Variants in ATXN7L3 observed in about 807,000 individuals in gnomAD.
ATXN7L3 encodes the protein ataxin 7 like 3.
A neutral mutation model predicts 50.0 loss-of-function variants in ATXN7L3; 6 were observed. That is an observed-to-expected ratio of 0.12 (90% CI 0.07 to 0.24). The LOEUF (loss-of-function observed/expected upper bound fraction) is 0.24, where lower values mean the gene tolerates loss of function less well. Among genes scored for constraint, ATXN7L3 ranks in the 10% least tolerant of loss-of-function variants. ATXN7L3 has a pLI of 1.00. For synonymous variants in ATXN7L3, 198 were observed against 165.8 expected (o/e 1.19, Z -1.49); for missense variants, 322 against 451.3 (o/e 0.71, Z 2.60).
At chr17:44,199,218 T>G (rs2056048118) in intron 1 of ATXN7L3, 1 of 149,768 alleles carries the variant, frequency 6.7e-6, no homozygotes, top group Non-Finnish European at 1.5e-5. Flanking sequence ...GTCTCTATTG[T>G]CCCGGGGGCT....
chr17:44,194,873 G>A lies in ATXN7L3; in HGVS notation c.666-34C>T, dbSNP rs76721333. On this transcript the variant is annotated intron_variant, in intron 10 of 12. Transcript: ENST00000587097. ...GAGGCAAGGCAGGGAGGGTTCTGAG[G>A]AACTCAGGTAAAGCCCCTCCCCTCG... The A allele has an allele frequency of 1.2e-3, 1,948 of 1,611,310 alleles. 29 individuals carry two copies. The African/African-American group carries it at 0.022, about 18-fold the overall frequency.
chr17:44,195,345 C>CT, intron 9 of ATXN7L3, 74 bp downstream of exon 9: 1 of 1,502,090 alleles, frequency 6.7e-7, no homozygotes, highest in Non-Finnish European at 9.3e-7. Flanking sequence ...CACCAGCTTC[C>CT]TCCCAGGCCT....
Position 44,197,698 on chromosome 17 carries a change from G to C in ATXN7L3, c.84C>G (p.Val28=), listed in dbSNP as rs1252262116. ...AGCAGAATCCCAAACAAGAATCCTC[G>C]ACCAGGTCCGCGTATATCTCCTGAG... ...AIAQEIYADL[V]EDSCLGFCFE... is the part of the protein sequence containing the mutation. The change falls in exon 3 of 13, where the codon GTC becomes GTG. Residue 28 remains valine, a synonymous_variant. Transcript: ENST00000587097. 4 of 1,614,234 alleles carry C rather than the reference G, an allele frequency of 2.5e-6. No individual in the cohort carries two copies. The highest frequency in any genetic ancestry group is 3.4e-6 in the Non-Finnish European group (4 of 1,180,048).
At chr17:44,194,955 G>A (rs2055829740) in intron 10 of ATXN7L3, 116 bp from the exon 11 acceptor site, 4 of 1,482,824 alleles carry the variant, frequency 2.7e-6, no homozygotes, top group African/African-American at 1.4e-5. Flanking sequence ...TTCATCCCCA[G>A]ATTGTGGCCA....
chr17:44,196,135 G>A (rs2055878884), intron 6 of ATXN7L3, 56 bp from the exon 7 acceptor site: 1 of 1,554,312 alleles, frequency 6.4e-7, no homozygotes, highest in South Asian at 1.1e-5. Flanking sequence ...GGGGAGCCGA[G>A]AACCCAGGGA....
At position 44,194,179 on chromosome 17, in the gene ATXN7L3, C is replaced by G; in HGVS notation, c.*84G>C. The stretch of plus-strand genomic sequence containing the variant: ...CTTCCCAAGCCCCAACCCCCAGCAG[C>G]CGTCCATTTGCCAGGCTATGCCACC... On this transcript the variant is annotated 3_prime_UTR_variant, in exon 13 of 13. Transcript: ENST00000587097. The G allele has an allele frequency of 6.6e-7, 1 of 1,526,028 alleles. No individual in the cohort carries two copies. The highest frequency in any genetic ancestry group is 8.8e-7 in the Non-Finnish European group (1 of 1,131,658). 94.5% of individuals were successfully genotyped at this position (1,526,028 alleles called of 1,614,324 possible).
chr17:44,196,904 C>G (rs749378466), intron 5 of ATXN7L3, 25 bp downstream of exon 5: 17 of 1,573,316 alleles, frequency 1.1e-5, no homozygotes, highest in Middle Eastern at 1.7e-4. Context: ...CAATGCCCCC[C>G]GGGTTTCCCC....
chr17:44,196,887 C>A, intron 5 of ATXN7L3, 42 bp downstream of exon 5: 1 of 1,467,342 alleles, frequency 6.8e-7, no homozygotes, highest in Non-Finnish European at 9.5e-7. Flanking sequence ...TGCTTCCCAC[C>A]TCATCCCAAT....
At position 44,194,127 on chromosome 17, in the gene ATXN7L3, G is replaced by A; in HGVS notation, c.*136C>T. The A allele has an allele frequency of 4.1e-6, 5 of 1,222,776 alleles. No homozygotes were observed. The South Asian group carries it at 4.4e-5, about 11-fold the overall frequency. The allele number at this position is 1,222,776 out of a possible 1,614,324, so 75.7% of individuals were successfully genotyped here. On this transcript the variant is annotated 3_prime_UTR_variant, in exon 13 of 13. Coordinates refer to ENST00000587097, the MANE Select transcript of ATXN7L3 (RefSeq NM_001382309.1). ...GACACCCCCCAGGGGCGCATAATCG[G>A]ATCCTCTGCCTGCCTGGCCCACCAA...
chr17:44,193,385 G>C lies in ATXN7L3; in HGVS notation c.*878C>G, dbSNP rs1277388590. The stretch of plus-strand genomic sequence containing the variant: ...ACACGGGGCCACCCCAGGAGGGTGA[G>C]GCTGGGTCCCTTCCTGGGGCAGGGA... On this transcript the variant is annotated 3_prime_UTR_variant, in exon 13 of 13. Transcript: ENST00000587097. 1 of 152,582 alleles carries C rather than the reference G, an allele frequency of 6.6e-6. No homozygotes were observed. The highest frequency in any genetic ancestry group is 2.4e-5 in the African/African-American group (1 of 41,404). The allele number at this position is 152,582 out of a possible 1,614,324, so 9.5% of individuals were successfully genotyped here.
chr17:44,195,769 A>T (rs749659491), intron 8 of ATXN7L3, 31 bp downstream of exon 8: 1 of 1,578,936 alleles, frequency 6.3e-7, no homozygotes, highest in Non-Finnish European at 8.7e-7. Context: ...CAGGACAATG[A>T]GAGCAAGCAT....
chr17:44,194,903 G>A, intron 10 of ATXN7L3, 64 bp from the exon 11 acceptor site: 3 of 1,577,538 alleles, frequency 1.9e-6, no homozygotes, highest in South Asian at 1.1e-5. Context: ...CCCTCGGCAA[G>A]GCAGGAGCCA....
intron 4 of ATXN7L3, 35 bp from the exon 5 acceptor site, chr17:44,197,061 G>C (rs1186144180): frequency 9.5e-6 from 15 of 1,577,212 alleles, no homozygotes; most frequent in Non-Finnish European, 1.3e-5. Flanking sequence ...GGGCCAAGGG[G>C]AAGGAAGAGA....
At position 44,194,497 on chromosome 17, in the gene ATXN7L3, G is replaced by A. The variant is rs767558391; in HGVS notation, c.895+20C>T. The A allele has an allele frequency of 7.4e-6, 12 of 1,613,262 alleles. No individual in the cohort carries two copies. The highest frequency in any genetic ancestry group is 1.7e-6 in the Non-Finnish European group (2 of 1,179,866). On this transcript the variant is annotated intron_variant, in intron 12 of 12. Coordinates refer to ENST00000587097, the MANE Select transcript of ATXN7L3 (RefSeq NM_001382309.1). ...ATGGCTTTGGGCACAGAGCCCCTAGGGCCCAACTGCATCACGTACCTAGAC... is the reference window on the plus strand; with the variant it reads ...ATGGCTTTGGGCACAGAGCCCCTAGAGCCCAACTGCATCACGTACCTAGAC...
chr17:44,194,265 A>AGTTGAT lies in ATXN7L3; in HGVS notation c.1036_1041dup (p.Ile346_Asn347dup). 5 of 1,614,126 alleles carry AGTTGAT rather than the reference A, an allele frequency of 3.1e-6. No homozygotes were observed. The highest frequency in any genetic ancestry group is 4.2e-6 in the Non-Finnish European group (5 of 1,180,002). ...AAAGGCTATCCCTTGCACCCAAGTC[A>AGTTGAT]GTTGATGTCATCATAGATGCTGGGC... On this transcript the variant is annotated inframe_insertion, in exon 13 of 13. Coordinates refer to ENST00000587097, the MANE Select transcript of ATXN7L3 (RefSeq NM_001382309.1).
chr17:44,197,813 C>T (rs2055970039), intron 2 of ATXN7L3, 83 bp from the exon 3 acceptor site: 2 of 1,589,334 alleles, frequency 1.3e-6, no homozygotes, highest in Non-Finnish European at 1.7e-6. Flanking sequence ...GCCAACTGGC[C>T]CCAGCCAAAA....
At chr17:44,195,669 C>T in intron 8 of ATXN7L3, 131 bp downstream of exon 8, 4 of 1,236,816 alleles carry the variant, frequency 3.2e-6, no homozygotes, top group Non-Finnish European at 4.7e-6. Context: ...TCAGAAAGAA[C>T]ATAAATATGT....
intron 7 of ATXN7L3, 79 bp from the exon 8 acceptor site, chr17:44,195,907 G>C (rs367850438): frequency 3.8e-6 from 6 of 1,572,146 alleles, no homozygotes; most frequent in Non-Finnish European, 4.3e-6. Context: ...CAGAGAGGAA[G>C]TGGGGGTGAC....
chr17:44,195,330 T>C lies in ATXN7L3; in HGVS notation c.621+89A>G, dbSNP rs377121406. On this transcript the variant is annotated intron_variant, in intron 9 of 12. Transcript: ENST00000587097. ...GAGAGAACGATACGGCCCTGACTGC[T>C]AGGTCACCAGCTTCCTCCCAGGCCT... is the stretch of plus-strand genomic sequence containing the variant. The C allele has an allele frequency of 2.0e-5, 29 of 1,439,688 alleles. No individual in the cohort carries two copies. The Middle Eastern group carries it at 7.4e-4, about 37-fold the overall frequency. 89.2% of individuals were successfully genotyped at this position (1,439,688 alleles called of 1,614,324 possible). A position where few individuals can be genotyped will look rare whatever the true frequency, so the allele number is the denominator to read the frequency against.
Sources: allele counts gnomAD v4.1 joint callset, GRCh38; gene constraint gnomAD v4.1.1; transcripts MANE v1.5; gene names NCBI Gene and HGNC (gene_info 2026-07-23, HGNC 2026-07-21).